LRMDA: variants seen among roughly 807,000 people sequenced by gnomAD.
LRMDA encodes the protein leucine rich melanocyte differentiation associated, also known as leucine-rich melanocyte differentiation-associated protein.
Under a neutral mutation model 29.8 loss-of-function variants are expected in LRMDA, and 18 were observed. The ratio of observed to expected loss-of-function variants is 0.60; its 90% confidence interval spans 0.42 to 0.90. The LOEUF (loss-of-function observed/expected upper bound fraction) is 0.90. LRMDA is among the 40% of genes least tolerant of loss of function. LRMDA has a pLI of 0.00. For missense variants in LRMDA, 273 were observed against 273.9 expected (o/e 1.00, Z 0.02); for synonymous variants, 125 against 109.4 (o/e 1.14, Z -0.89).
chr10:75,827,975 G>A (rs1327461711), intron 2 of LRMDA, among the ~76,000 whole-genome samples: 2 of 152,116 alleles, frequency 1.3e-5, no homozygotes, highest in African/African-American at 2.4e-5. Context: ...CATTGCTGAT[G>A]GGCAATTATC....
At chr10:75,707,609 G>A (rs1466299207) in intron 2 of LRMDA, among the ~76,000 whole-genome samples, 2 of 152,148 alleles carry the variant, frequency 1.3e-5, no homozygotes, top group Non-Finnish European at 2.9e-5. Context: ...GGTCTGCAGT[G>A]TCTTCTCCCC....
chr10:76,137,336 G>C (rs1850113399), intron 5 of LRMDA, among the ~76,000 whole-genome samples: 2 of 152,134 alleles, frequency 1.3e-5, no homozygotes, highest in Non-Finnish European at 2.9e-5. Context: ...TTTGTGCCTT[G>C]GCTGTAAACA....
chr10:76,219,598 G>C (rs1278536318), intron 5 of LRMDA, among the ~76,000 whole-genome samples: 1 of 152,192 alleles, frequency 6.6e-6, no homozygotes, highest in Non-Finnish European at 1.5e-5. Context: ...TAATACAGGA[G>C]CACCCAGATT....
Position 76,212,270 on chromosome 10 carries a change from A to T in LRMDA, c.517-112131A>T, listed in dbSNP as rs566378728. Among the ~76,000 whole-genome samples the T allele has an allele frequency of 5.4e-3, 662 of 123,254 alleles. 5 individuals are homozygous for T. The highest frequency in any genetic ancestry group is 0.019 in the African/African-American group (618 of 32,000). 80.9% of individuals were successfully genotyped at this position (123,254 alleles called of 152,430 possible). A position where few individuals can be genotyped will look rare whatever the true frequency, so the allele number is the denominator to read the frequency against. ...ACACACACACACACACACACACATA[A>T]AAAAAAAAAACTATAGAGAAATATA... is the stretch of plus-strand genomic sequence containing the variant. On this transcript the variant is annotated intron_variant, in intron 5 of 6. Coordinates refer to ENST00000611255, the MANE Select transcript of LRMDA (RefSeq NM_001305581.2).
At chr10:75,456,658 G>T (rs765803353) in intron 2 of LRMDA, among the ~76,000 whole-genome samples, 13 of 152,312 alleles carry the variant, frequency 8.5e-5, no homozygotes, top group Middle Eastern at 3.4e-3. Context: ...TTCTTCTTTT[G>T]CTAAAATGGA....
intron 3 of LRMDA, among the ~76,000 whole-genome samples, chr10:76,038,979 C>T (rs72813549): frequency 0.012 from 1,825 of 152,298 alleles, 19 homozygotes; most frequent in South Asian, 0.018. Flanking sequence ...GATGACCTCA[C>T]TCATATGTCT....
At chr10:76,311,774 C>T (rs1174476111) in intron 5 of LRMDA, among the ~76,000 whole-genome samples, 2 of 152,110 alleles carry the variant, frequency 1.3e-5, no homozygotes, top group Non-Finnish European at 2.9e-5. Context: ...ATTAAAATGG[C>T]CCTCTTAAAT....
intron 6 of LRMDA, among the ~76,000 whole-genome samples, chr10:76,382,904 C>T (rs921598150): frequency 3.9e-5 from 6 of 152,162 alleles, no homozygotes; most frequent in African/African-American, 9.7e-5. Context: ...GACTGTCAGA[C>T]GAAGAGAAGG....
intron 2 of LRMDA, among the ~76,000 whole-genome samples, chr10:75,867,131 T>C (rs964151929): frequency 1.3e-5 from 2 of 152,208 alleles, no homozygotes; most frequent in Non-Finnish European, 2.9e-5. Context: ...ACCCTGTCAA[T>C]AAATATCCTC....
rs753971789 is a variant in LRMDA, at chr10:75,782,986, A to G, written c.132-253022A>G. The G allele has an allele frequency of 6.2e-7, 1 of 1,613,980 alleles. No homozygotes were observed. Reference sequence around the variant, plus strand: ...TTTGCCTTGAAATGAATGGAAAAGTATTTGTCACTCAGCGGCAATCATTCT... The same window carrying G: ...TTTGCCTTGAAATGAATGGAAAAGTGTTTGTCACTCAGCGGCAATCATTCT... On this transcript the variant is annotated intron_variant, in intron 2 of 6. Coordinates refer to ENST00000611255, the MANE Select transcript of LRMDA (RefSeq NM_001305581.2).
intron 5 of LRMDA, among the ~76,000 whole-genome samples, chr10:76,239,424 G>A (rs116992521): frequency 3.3e-3 from 498 of 152,288 alleles, no homozygotes; most frequent in Non-Finnish European, 4.0e-3. Flanking sequence ...TTTCCCAGTT[G>A]TCTCAAAAAT....
chr10:76,106,143 A>C (rs1183121376), intron 5 of LRMDA, among the ~76,000 whole-genome samples: 1 of 152,232 alleles, frequency 6.6e-6, no homozygotes, highest in African/African-American at 2.4e-5. Flanking sequence ...GTGCCGAATG[A>C]GTCCACGCAA....
intron 2 of LRMDA, among the ~76,000 whole-genome samples, chr10:75,797,705 T>C (rs1456688332): frequency 3.3e-5 from 5 of 152,246 alleles, no homozygotes; most frequent in Non-Finnish European, 7.3e-5. Flanking sequence ...TCATTCGTTT[T>C]GTGGCATGTA....
intron 2 of LRMDA, among the ~76,000 whole-genome samples, chr10:75,914,184 A>G (rs963261011): frequency 1.3e-5 from 2 of 152,228 alleles, no homozygotes; most frequent in African/African-American, 2.4e-5. Context: ...CATGCAACGC[A>G]TACTTGTAAA....
intron 2 of LRMDA, among the ~76,000 whole-genome samples, chr10:75,888,293 G>A (rs181960377): frequency 2.0e-5 from 3 of 152,308 alleles, no homozygotes; most frequent in African/African-American, 7.2e-5. Context: ...CGTATGATGA[G>A]TTCGTGATCC....
intron 5 of LRMDA, among the ~76,000 whole-genome samples, chr10:76,260,006 T>G (rs938427644): frequency 3.9e-5 from 6 of 152,092 alleles, no homozygotes; most frequent in African/African-American, 1.4e-4. Flanking sequence ...CAGCATATAA[T>G]TGGATCTTTT....
At chr10:75,989,060 T>G (rs1055160727) in intron 2 of LRMDA, among the ~76,000 whole-genome samples, 1 of 152,200 alleles carries the variant, frequency 6.6e-6, no homozygotes, top group African/African-American at 2.4e-5. Context: ...TCATTTCCCA[T>G]GCAGGTTGCA....
chr10:76,143,430 C>T (rs1435700675), intron 5 of LRMDA, among the ~76,000 whole-genome samples: 1 of 152,176 alleles, frequency 6.6e-6, no homozygotes, highest in Non-Finnish European at 1.5e-5. Context: ...ATTTGCATTT[C>T]TCTGATGGCC....
intron 2 of LRMDA, among the ~76,000 whole-genome samples, chr10:75,986,829 A>G (rs1018199905): frequency 3.3e-5 from 5 of 152,230 alleles, no homozygotes; most frequent in Admixed American, 3.3e-4. Flanking sequence ...TTTTCTCCTC[A>G]AGAACTAGTC....
Sources: allele counts gnomAD v4.1 joint callset (sites outside exome capture counted in the v4.1 genomes callset), GRCh38; gene constraint gnomAD v4.1.1; transcripts MANE v1.5; gene names NCBI Gene and HGNC (gene_info 2026-07-23, HGNC 2026-07-21).